CDC42EP3: variants seen among roughly 807,000 people sequenced by gnomAD.
CDC42EP3 encodes CDC42 effector protein 3.
CDC42EP3 carries 4 observed loss-of-function variants against 15.5 expected under a neutral mutation model. That is an observed-to-expected ratio of 0.26 (90% CI 0.13 to 0.59). The LOEUF is 0.59. CDC42EP3 is among the 20% of genes least tolerant of loss of function. CDC42EP3 has a pLI of 0.89. For missense variants in CDC42EP3, 309 were observed against 311.2 expected (o/e 0.99, Z 0.05); for synonymous variants, 145 against 130.3 (o/e 1.11, Z -0.77).
At chr2:37,666,763 C>CATCATGTG (rs1183796415) in intron 1 of CDC42EP3, among the ~76,000 whole-genome samples, 4 of 151,194 alleles carry the variant, frequency 2.6e-5, no homozygotes, top group Non-Finnish European at 4.4e-5. Flanking sequence ...TTCAGTCCAT[C>CATCATGTG]ATCATGTGAT....
chr2:37,671,124 C>T (rs1355737675), intron 1 of CDC42EP3, among the ~76,000 whole-genome samples: 1 of 152,208 alleles, frequency 6.6e-6, no homozygotes, highest in Non-Finnish European at 1.5e-5. Context: ...GCTATACGCG[C>T]CCAGAATGGC....
rs1175385332 is a variant in CDC42EP3 at position 37,646,841 on chromosome 2, C to T, written c.-235-19G>A. ...GACAAACCTGCAGAAGAAACCAAAG[C>T]AGGTTATAAGCTAAAGACCCTTTTG... On this transcript the variant is annotated intron_variant, in intron 1 of 1. Transcript: ENST00000295324. 1 of 356,908 alleles carries T rather than the reference C, an allele frequency of 2.8e-6. No homozygotes were observed. Among genetic ancestry groups the T allele is most frequent in the African/African-American group, 2.1e-5 (1 of 47,166 alleles). 22.1% of individuals were successfully genotyped at this position (356,908 alleles called of 1,614,324 possible). A position where few individuals can be genotyped will look rare whatever the true frequency, so the allele number is the denominator to read the frequency against.
chr2:37,661,513 C>T (rs985464611), intron 1 of CDC42EP3, among the ~76,000 whole-genome samples: 3 of 152,060 alleles, frequency 2.0e-5, no homozygotes, highest in African/African-American at 2.4e-5. Flanking sequence ...TTACCTGGAC[C>T]GAGAGCCGGG....
Position 37,646,180 on chromosome 2 carries a change from C to T in CDC42EP3, c.408G>A (p.Gly136=), listed in dbSNP as rs370564487. ...AGCTAAGCCTGGGCAGCTTTGCTGG[C>T]CCGAAGGACTCCTGTTTGGAATTAA... is the stretch of plus-strand genomic sequence containing the variant. The part of the protein sequence containing the change: ...VTFNSKQESF[G]PAKLPRLSCE... Residue 136 remains glycine, a synonymous_variant, in exon 2 of 2, where the codon GGG becomes GGA. Transcript: ENST00000295324. The T allele has an allele frequency of 3.7e-5, 60 of 1,614,008 alleles. No individual in the cohort carries two copies. The highest frequency in any genetic ancestry group is 4.7e-5 in the Non-Finnish European group (55 of 1,180,030).
At position 37,646,087 on chromosome 2, in the gene CDC42EP3, C is replaced by G. The variant is rs1475018700; in HGVS notation, c.501G>C (p.Gln167His). ...SSLLENGTVHQGDTSWGSSGS... is the reference protein window; with the variant it reads ...SSLLENGTVHHGDTSWGSSGS... Reference sequence around the variant, plus strand: ...CGCTGGAGCCCCACGAGGTGTCTCCCTGGTGGACTGTCCCATTCTCCAACA... The same window carrying G: ...CGCTGGAGCCCCACGAGGTGTCTCCGTGGTGGACTGTCCCATTCTCCAACA... Residue 167 changes from glutamine to histidine, a missense_variant, in exon 2 of 2, where the codon CAG becomes CAC. Physicochemically the swap from Gln to His is conservative, Grantham distance 24. Coordinates refer to ENST00000295324, the MANE Select transcript of CDC42EP3 (RefSeq NM_006449.5). 1.9e-6 allele frequency: 3 copies of G among 1,614,234 alleles called. No homozygotes were observed. Among genetic ancestry groups the G allele is most frequent in the Non-Finnish European group, 2.5e-6 (3 of 1,180,044 alleles).
intron 1 of CDC42EP3, among the ~76,000 whole-genome samples, chr2:37,652,988 C>T (rs1035819071): frequency 6.6e-6 from 1 of 152,204 alleles, no homozygotes; most frequent in African/African-American, 2.4e-5. Context: ...ATTTGAACTT[C>T]CCACAATTAT....
intron 1 of CDC42EP3, among the ~76,000 whole-genome samples, chr2:37,662,434 T>C (rs953687147): frequency 6.6e-6 from 1 of 152,252 alleles, no homozygotes; most frequent in African/African-American, 2.4e-5. Context: ...TGGGGATTCC[T>C]TTTAACCTTA....
intron 1 of CDC42EP3, among the ~76,000 whole-genome samples, chr2:37,669,232 C>A (rs1266204027): frequency 1.3e-4 from 5 of 37,454 alleles, no homozygotes; most frequent in Non-Finnish European, 2.4e-4. Context: ...TATGGCCTGG[C>A]TAAAAAAAAA....
intron 1 of CDC42EP3, among the ~76,000 whole-genome samples, chr2:37,665,258 G>C (rs1300847932): frequency 6.6e-6 from 1 of 152,068 alleles, no homozygotes; most frequent in African/African-American, 2.4e-5. Context: ...AGAGGGCCTG[G>C]GGAACATCCA....
At chr2:37,650,109 C>T (rs1175729525) in intron 1 of CDC42EP3, among the ~76,000 whole-genome samples, 1 of 152,154 alleles carries the variant, frequency 6.6e-6, no homozygotes, top group Non-Finnish European at 1.5e-5. Flanking sequence ...GACGTTTGTG[C>T]TGCTGGGAAA....
chr2:37,666,871 T>C (rs1382318541), intron 1 of CDC42EP3, among the ~76,000 whole-genome samples: 2 of 151,924 alleles, frequency 1.3e-5, no homozygotes, highest in East Asian at 3.9e-4. Context: ...ACTACATGGC[T>C]ACTTATTCTG....
chr2:37,655,123 T>G (rs546294410), intron 1 of CDC42EP3, among the ~76,000 whole-genome samples: 1 of 152,232 alleles, frequency 6.6e-6, no homozygotes, highest in Non-Finnish European at 1.5e-5. Context: ...ACTGAGGACA[T>G]AGCTCTAAGC....
intron 1 of CDC42EP3, among the ~76,000 whole-genome samples, chr2:37,662,129 G>A (rs1006836048): frequency 4.6e-5 from 7 of 151,950 alleles, no homozygotes; most frequent in Non-Finnish European, 8.8e-5. Context: ...ACTAGCCTTA[G>A]AATCAAAATA....
chr2:37,660,568 AT>A (rs894782877), intron 1 of CDC42EP3, among the ~76,000 whole-genome samples: 2 of 151,758 alleles, frequency 1.3e-5, no homozygotes, highest in East Asian at 1.9e-4. Context: ...ACAATCTAAC[AT>A]TTTTTTTCTC....
chr2:37,660,774 G>C (rs7607934), intron 1 of CDC42EP3, among the ~76,000 whole-genome samples: 43,768 of 151,054 alleles, frequency 0.29, 6,771 homozygotes, highest in East Asian at 0.58. Flanking sequence ...TCTATTTTGC[G>C]TCTACCTTAA....
chr2:37,662,562 T>G (rs1403143265), intron 1 of CDC42EP3, among the ~76,000 whole-genome samples: 2 of 152,126 alleles, frequency 1.3e-5, no homozygotes, highest in East Asian at 1.9e-4. Flanking sequence ...AAGAACGGAA[T>G]TTGAAAGAAG....
intron 1 of CDC42EP3, among the ~76,000 whole-genome samples, chr2:37,664,922 G>A (rs1666204818): frequency 1.3e-5 from 2 of 152,216 alleles, no homozygotes; most frequent in East Asian, 1.9e-4. Context: ...GGGGAAGGGC[G>A]GGAGGAGGGA....
Position 37,642,619 on chromosome 2 carries a change from G to A in CDC42EP3, c.*3204C>T, listed in dbSNP as rs987877975. On this transcript the variant is annotated 3_prime_UTR_variant, in exon 2 of 2. Transcript: ENST00000295324. Reference sequence around the variant, plus strand: ...GTGTTTATATATTTCACAGTAAAATGATTCAGTCTTGCCAGGTTCCATATT... The same window carrying A: ...GTGTTTATATATTTCACAGTAAAATAATTCAGTCTTGCCAGGTTCCATATT... 2 of 152,172 alleles carry A rather than the reference G, an allele frequency of 1.3e-5. No homozygotes were observed. The highest frequency in any genetic ancestry group is 4.8e-5 in the African/African-American group (2 of 41,430). 9.4% of individuals were successfully genotyped at this position (152,172 alleles called of 1,614,324 possible).
intron 1 of CDC42EP3, among the ~76,000 whole-genome samples, chr2:37,664,291 C>T (rs369360977): frequency 2.6e-5 from 4 of 152,320 alleles, no homozygotes; most frequent in South Asian, 2.1e-4. Flanking sequence ...ACATCAGACT[C>T]CAAGTTCTTC....
Sources: allele counts gnomAD v4.1 joint callset (sites outside exome capture counted in the v4.1 genomes callset), GRCh38; gene constraint gnomAD v4.1.1; transcripts MANE v1.5; gene names NCBI Gene and HGNC (gene_info 2026-07-23, HGNC 2026-07-21).